ARPP21: variants seen among roughly 807,000 people sequenced by gnomAD.
ARPP21 encodes cAMP-regulated phosphoprotein 21.
Under a neutral mutation model 113.2 loss-of-function variants are expected in ARPP21, and 69 were observed. The ratio of observed to expected loss-of-function variants is 0.61; its 90% CI spans 0.50 to 0.74. The LOEUF is 0.74. ARPP21 is among the 30% of genes least tolerant of loss of function. ARPP21 has a pLI of 0.00. For synonymous variants in ARPP21, 368 were observed against 375.5 expected (o/e 0.98, Z 0.23); for missense variants, 1,070 against 1,037.4 (o/e 1.03, Z -0.43).
intron 9 of ARPP21, among the ~76,000 whole-genome samples, chr3:35,702,879 G>A (rs544066063): frequency 6.6e-6 from 1 of 151,788 alleles, no homozygotes; most frequent in African/African-American, 2.4e-5. Flanking sequence ...ACTTTTAATT[G>A]AAAATTTTTG....
At chr3:35,747,779 T>C (rs2095162080) in intron 19 of ARPP21, among the ~76,000 whole-genome samples, 2 of 151,902 alleles carry the variant, frequency 1.3e-5, no homozygotes. Context: ...CCAGTTCACT[T>C]TATAAAAATT....
chr3:35,663,143 T>TA (rs1002191554), intron 1 of ARPP21, among the ~76,000 whole-genome samples: 75 of 151,236 alleles, frequency 5.0e-4, no homozygotes, highest in Non-Finnish European at 8.1e-4. Flanking sequence ...TTGTACAAAT[T>TA]AAAAAAAAAT....
At chr3:35,676,780 C>G (rs2077599987) in intron 1 of ARPP21, among the ~76,000 whole-genome samples, 1 of 151,820 alleles carries the variant, frequency 6.6e-6, no homozygotes. Flanking sequence ...GATTACATCC[C>G]AATGACTTTT....
chr3:35,782,121 A>T (rs77856924), intron 19 of ARPP21, among the ~76,000 whole-genome samples: 1,960 of 152,324 alleles, frequency 0.013, 21 homozygotes, highest in Non-Finnish European at 0.02. Flanking sequence ...TTGTACGTAC[A>T]TATGCTCAAA....
At chr3:35,643,466 T>A (rs1004019464) in intron 1 of ARPP21, among the ~76,000 whole-genome samples, 2 of 152,096 alleles carry the variant, frequency 1.3e-5, no homozygotes, top group African/African-American at 4.8e-5. Flanking sequence ...GTATTTCCCT[T>A]AGTGGTCATG....
At chr3:35,773,942 T>C (rs2096278477) in intron 19 of ARPP21, among the ~76,000 whole-genome samples, 1 of 152,174 alleles carries the variant, frequency 6.6e-6, no homozygotes, top group Admixed American at 6.5e-5. Flanking sequence ...CAGGAGGTAC[T>C]GGGGACACAT....
At chr3:35,654,297 G>A (rs968107903) in intron 1 of ARPP21, among the ~76,000 whole-genome samples, 1 of 151,906 alleles carries the variant, frequency 6.6e-6, no homozygotes, top group East Asian at 1.9e-4. Flanking sequence ...CATGTTTTAA[G>A]TTACTCTTTT....
intron 1 of ARPP21, among the ~76,000 whole-genome samples, chr3:35,642,637 ATATTC>A (rs1414185635): frequency 6.6e-6 from 1 of 152,170 alleles, no homozygotes; most frequent in Non-Finnish European, 1.5e-5. Flanking sequence ...ACAAGCTGTC[ATATTC>A]TTGGGTGGTG....
chr3:35,792,222 A>C (rs2096761694), intron 19 of ARPP21, 160 bp from the exon 20 acceptor site: 3 of 668,994 alleles, frequency 4.5e-6, no homozygotes, highest in Admixed American at 2.4e-5. Flanking sequence ...AAGTAAAAAA[A>C]AGAGAAAATG....
chr3:35,659,036 T>C (rs1706390944), intron 1 of ARPP21, among the ~76,000 whole-genome samples: 1 of 152,190 alleles, frequency 6.6e-6, no homozygotes, highest in South Asian at 2.1e-4. Flanking sequence ...ACAGATAATG[T>C]TTGGATTTCA....
intron 19 of ARPP21, among the ~76,000 whole-genome samples, chr3:35,789,021 G>T (rs1045215604): frequency 6.6e-6 from 1 of 152,114 alleles, no homozygotes; most frequent in African/African-American, 2.4e-5. Context: ...GACTGAAAAA[G>T]AAATAATAAA....
chr3:35,656,177 T>A lies in ARPP21; in HGVS notation c.-213+15779T>A, dbSNP rs911637042. 9.9e-4 allele frequency among the ~76,000 whole-genome samples: 151 copies of A among 152,204 alleles called. 1 individual carries two copies. The highest frequency in any genetic ancestry group is 3.4e-3 in the African/African-American group (143 of 41,566). On this transcript the variant is annotated intron_variant, in intron 1 of 20. Transcript: ENST00000684406. ...AGAGTTACGCAGTCTCTGTTTTGAA[T>A]GACTATTGAATACAAATTTCTCTCT...
chr3:35,688,962 G>A (rs1170723368), intron 6 of ARPP21, among the ~76,000 whole-genome samples: 1 of 150,734 alleles, frequency 6.6e-6, no homozygotes, highest in Non-Finnish European at 1.5e-5. Flanking sequence ...CTCTGTAGGT[G>A]GGAGTTCTGT....
At chr3:35,786,716 T>C (rs1035890440) in intron 19 of ARPP21, among the ~76,000 whole-genome samples, 3 of 151,992 alleles carry the variant, frequency 2.0e-5, no homozygotes, top group East Asian at 1.9e-4. Context: ...TAGAGTAAGA[T>C]AGAGGCTATA....
At chr3:35,643,571 T>C (rs1698982727) in intron 1 of ARPP21, 1 of 152,102 alleles carries the variant, frequency 6.6e-6, no homozygotes, top group African/African-American at 2.4e-5. Flanking sequence ...GTGGACAAGA[T>C]AATGATAAGC....
intron 9 of ARPP21, among the ~76,000 whole-genome samples, chr3:35,691,456 A>G (rs989983557): frequency 1.3e-5 from 2 of 151,772 alleles, no homozygotes; most frequent in East Asian, 3.9e-4. Flanking sequence ...CCGAACCTAG[A>G]GGCAGAAATC....
chr3:35,654,455 G>T (rs778468884), intron 1 of ARPP21, among the ~76,000 whole-genome samples: 1 of 152,000 alleles, frequency 6.6e-6, no homozygotes, highest in Non-Finnish European at 1.5e-5. Flanking sequence ...GATAGACAAA[G>T]GTATGGAATT....
rs1316274609 is a variant in ARPP21 at position 35,667,906 on chromosome 3, AGAG to A, written c.-212-11878_-212-11876del. 2.7e-5 allele frequency among the ~76,000 whole-genome samples: 2 copies of A among 74,364 alleles called. 1 individual carries two copies. The highest frequency in any genetic ancestry group is 5.1e-5 in the Non-Finnish European group (2 of 39,372). 48.8% of individuals were successfully genotyped at this position (74,364 alleles called of 152,430 possible). ...AAGAAGAAGAGGAAGAGGAAGAGGA[AGAG>A]GAAGGAGGAGGAGGAGGAGGAGGAG... is the stretch of plus-strand genomic sequence containing the variant. On this transcript the variant is annotated intron_variant, in intron 1 of 20. Coordinates refer to ENST00000684406, the MANE Select transcript of ARPP21 (RefSeq NM_001385562.1).
intron 9 of ARPP21, among the ~76,000 whole-genome samples, chr3:35,703,276 AG>A (rs1010829473): frequency 1.8e-4 from 28 of 152,032 alleles, no homozygotes; most frequent in African/African-American, 6.3e-4. Context: ...TCAAGCTTCA[AG>A]GGGGAAAAAA....
Sources: gnomAD v4.1 joint callset for allele counts (sites outside exome capture counted in the v4.1 genomes callset) on GRCh38, gnomAD v4.1.1 for gene constraint, MANE v1.5 for transcripts, NCBI Gene and HGNC (gene_info 2026-07-23, HGNC 2026-07-21) for gene names.